Variants in LINGO2 observed in about 807,000 individuals in gnomAD.
The protein encoded by LINGO2 is leucine-rich repeat and immunoglobulin-like domain-containing nogo receptor-interacting protein 2.
LINGO2 carries 14 observed loss-of-function variants against 30.6 expected under a neutral mutation model. The ratio of observed to expected loss-of-function variants is 0.46; its 90% CI spans 0.30 to 0.72. The LOEUF (loss-of-function observed/expected upper bound fraction) is 0.72. Among genes scored for constraint, LINGO2 ranks in the 30% least tolerant of loss-of-function variants. The pLI, the probability that LINGO2 is intolerant of heterozygous loss-of-function variation, is 0.07. For synonymous variants in LINGO2, 317 were observed against 288.5 expected (o/e 1.10, Z -1.00); for missense variants, 729 against 751.7 (o/e 0.97, Z 0.35).
chr9:28,568,488 A>G (rs1362944264), intron 1 of LINGO2, among the ~76,000 whole-genome samples: 1 of 152,060 alleles, frequency 6.6e-6, no homozygotes, highest in African/African-American at 2.4e-5. Flanking sequence ...AGAAAGAAAC[A>G]TTTTTTGAAA....
In LINGO2 at chr9:28,023,876, A is replaced by C. The variant is rs76731788; in HGVS notation, c.-86-11471T>G. Among the ~76,000 whole-genome samples, 200 of 152,282 alleles carry C rather than the reference A, an allele frequency of 1.3e-3. 6 individuals carry two copies. In the East Asian group the frequency reaches 0.029, roughly 22 times the overall value. On this transcript the variant is annotated intron_variant, in intron 4 of 5. Transcript: ENST00000379992. ...AGGAATTTTTTCCTTTAGCTAGTCC[A>C]TACTCAGCCTCCAACAATCCATCAA...
rs1228732154 is a variant in LINGO2, at chr9:28,104,258, TTTTGTTTG to T, written c.-86-91861_-86-91854del. On this transcript the variant is annotated intron_variant, in intron 4 of 5. Coordinates refer to ENST00000379992, the Ensembl canonical transcript of LINGO2. ...GATTTGCTTTTCCCCAGTACAAGTTTTTTGTTTGTTTTTTTTTTTTTTTTTTTTGCTTT... is the reference window on the plus strand; with the variant it reads ...GATTTGCTTTTCCCCAGTACAAGTTTTTTTTTTTTTTTTTTTTTTTGCTTT... Among the ~76,000 whole-genome samples, 215 of 132,076 alleles carry T rather than the reference TTTTGTTTG, an allele frequency of 1.6e-3. 5 individuals carry two copies. Among genetic ancestry groups the T allele is most frequent in the African/African-American group, 3.3e-3 (118 of 36,034 alleles). 86.6% of individuals were successfully genotyped at this position (132,076 alleles called of 152,430 possible). A position where few individuals can be genotyped will look rare whatever the true frequency, so the allele number is the denominator to read the frequency against.
At chr9:28,722,062 A>G in the LINGO2 span, among the ~76,000 whole-genome samples, 1 of 152,140 alleles carries the variant, frequency 6.6e-6, no homozygotes. Flanking sequence ...ATGTTAATAA[A>G]TGAAATTCTG....
chr9:27,978,468 G>A (rs191427250), intron 5 of LINGO2, among the ~76,000 whole-genome samples: 1 of 151,890 alleles, frequency 6.6e-6, no homozygotes, highest in South Asian at 2.1e-4. Flanking sequence ...CTAATGAATG[G>A]GTTTATTAGT....
the LINGO2 span, among the ~76,000 whole-genome samples, chr9:28,688,554 G>T: frequency 2.6e-5 from 4 of 152,254 alleles, no homozygotes; most frequent in South Asian, 8.3e-4. Flanking sequence ...CCTCCTAAGG[G>T]AAATTGCCCG....
At chr9:28,982,924 G>T in the LINGO2 span, among the ~76,000 whole-genome samples, 7 of 151,188 alleles carry the variant, frequency 4.6e-5, no homozygotes, top group African/African-American at 9.7e-5. Flanking sequence ...TCTCCATTTG[G>T]TTTTTTCATA....
At chr9:29,017,508 G>A in the LINGO2 span, among the ~76,000 whole-genome samples, 5 of 152,078 alleles carry the variant, frequency 3.3e-5, no homozygotes, top group African/African-American at 1.2e-4. Context: ...AATAATGGGA[G>A]GGCAGTCAAG....
the LINGO2 span, among the ~76,000 whole-genome samples, chr9:29,060,220 CA>C: frequency 6.6e-6 from 1 of 151,852 alleles, no homozygotes; most frequent in African/African-American, 2.4e-5. Flanking sequence ...ATATTTCTGG[CA>C]AAGGATTCAG....
At chr9:28,757,606 T>C in the LINGO2 span, among the ~76,000 whole-genome samples, 1 of 152,032 alleles carries the variant, frequency 6.6e-6, no homozygotes, top group African/African-American at 2.4e-5. Context: ...GTTTTACTAA[T>C]TCTAATTTTT....
At chr9:28,181,526 G>C (rs563516142) in intron 4 of LINGO2, among the ~76,000 whole-genome samples, 10 of 152,196 alleles carry the variant, frequency 6.6e-5, no homozygotes, top group Middle Eastern at 6.8e-3. Context: ...CCAGTGGTAG[G>C]GCCAGCAATG....
intron 1 of LINGO2, among the ~76,000 whole-genome samples, chr9:28,512,593 G>GA (rs1820442747): frequency 1.9e-4 from 2 of 10,602 alleles, no homozygotes; most frequent in South Asian, 5.4e-3. Flanking sequence ...ATATATGTGT[G>GA]TATATATATA....
chr9:27,947,901 A>G (rs1356213457), downstream of LINGO2, among the ~76,000 whole-genome samples: 2 of 152,206 alleles, frequency 1.3e-5, no homozygotes, highest in Non-Finnish European at 2.9e-5. Context: ...TAACCCGCTA[A>G]TAGTGACTGT....
intron 1 of LINGO2, among the ~76,000 whole-genome samples, chr9:28,642,557 G>T (rs73644091): frequency 0.03 from 4,555 of 152,176 alleles, 220 homozygotes; most frequent in African/African-American, 0.097. Context: ...TTGAATGTAT[G>T]CTTACATTGT....
At chr9:29,123,581 T>A in the LINGO2 span, among the ~76,000 whole-genome samples, 1 of 151,986 alleles carries the variant, frequency 6.6e-6, no homozygotes, top group Non-Finnish European at 1.5e-5. Context: ...ACTCTCAGGC[T>A]GACAAATCTA....
the LINGO2 span, among the ~76,000 whole-genome samples, chr9:28,861,960 A>C: frequency 6.6e-6 from 1 of 152,160 alleles, no homozygotes; most frequent in Admixed American, 6.6e-5. Context: ...CCGTAAACTA[A>C]AAATTATCTT....
At chr9:28,659,413 CA>C (rs1055927863) in intron 1 of LINGO2, among the ~76,000 whole-genome samples, 6 of 151,752 alleles carry the variant, frequency 4.0e-5, no homozygotes, top group African/African-American at 1.5e-4. Flanking sequence ...TCAAAGACAG[CA>C]ATAGCTTGAC....
intron 2 of LINGO2, among the ~76,000 whole-genome samples, chr9:28,374,210 T>TATA (rs1554713024): frequency 1.9e-4 from 25 of 130,568 alleles, no homozygotes; most frequent in African/African-American, 3.2e-4. Context: ...ATGTTTTTAT[T>TATA]TATATATATA....
the LINGO2 span, among the ~76,000 whole-genome samples, chr9:29,017,791 A>G: frequency 6.6e-6 from 1 of 151,974 alleles, no homozygotes; most frequent in Admixed American, 6.6e-5. Context: ...CAATCCTGCA[A>G]ATGGGAGAAT....
the LINGO2 span, among the ~76,000 whole-genome samples, chr9:29,138,319 A>G: frequency 1.4e-5 from 2 of 140,808 alleles, no homozygotes; most frequent in Non-Finnish European, 3.1e-5. Context: ...GAAAAATCCC[A>G]GACCACCGGC....
Sources: gnomAD v4.1 joint callset for allele counts (sites outside exome capture counted in the v4.1 genomes callset) on GRCh38, gnomAD v4.1.1 for gene constraint, MANE v1.5 for transcripts, NCBI Gene and HGNC (gene_info 2026-07-23, HGNC 2026-07-21) for gene names.